NAALADL2: variants seen among roughly 807,000 people sequenced by gnomAD.
The protein encoded by NAALADL2 is N-acetylated alpha-linked acidic dipeptidase like 2.
In NAALADL2, 76 loss-of-function variants were observed where a neutral mutation model predicts 87.2. The observed-to-expected ratio is 0.87, with a 90% CI of 0.72 to 1.05. The LOEUF (loss-of-function observed/expected upper bound fraction) is 1.05, where lower values mean the gene tolerates loss of function less well. Ranked by LOEUF, NAALADL2 falls within the 50% of genes least tolerant of loss-of-function variation. The pLI, the probability that NAALADL2 is intolerant of heterozygous loss-of-function variation, is 0.00. For synonymous variants in NAALADL2, 354 were observed against 331.0 expected, an observed-to-expected ratio of 1.07 and a Z score of -0.75; for missense variants, 1,089 against 945.8, an observed-to-expected ratio of 1.15 and a Z score of -1.99.
chr3:175,627,210 A>T, intron 10 of NAALADL2, 81 bp from the exon 11 acceptor site: 1 of 1,151,306 alleles, frequency 8.7e-7, no homozygotes, highest in Non-Finnish European at 1.2e-6. Context: ...GTCCTTTTTA[A>T]TCTTTAAGGA....
chr3:174,897,135 G>A (rs971686688), intron 1 of NAALADL2, among the ~76,000 whole-genome samples: 2 of 152,110 alleles, frequency 1.3e-5, no homozygotes, highest in Non-Finnish European at 2.9e-5. Flanking sequence ...TACCCCAGAA[G>A]CACAGACAAC....
chr3:174,913,218 A>T (rs1196132525), intron 1 of NAALADL2, among the ~76,000 whole-genome samples: 1 of 152,178 alleles, frequency 6.6e-6, no homozygotes, highest in African/African-American at 2.4e-5. Flanking sequence ...TAGTAAGACA[A>T]GTTTGAAGGG....
chr3:175,787,242 A>G (rs1006877729), intron 13 of NAALADL2, among the ~76,000 whole-genome samples: 12 of 152,096 alleles, frequency 7.9e-5, no homozygotes, highest in Non-Finnish European at 1.3e-4. Context: ...GGCTCCACCC[A>G]GTTCGAGCTT....
At chr3:175,336,078 C>T (rs1761941346) in intron 5 of NAALADL2, among the ~76,000 whole-genome samples, 2 of 152,058 alleles carry the variant, frequency 1.3e-5, no homozygotes, top group African/African-American at 2.4e-5. Context: ...TGAATACCCT[C>T]GCTGCTTCCT....
intron 1 of NAALADL2, among the ~76,000 whole-genome samples, chr3:174,980,825 GA>G (rs1745013655): frequency 3.7e-5 from 2 of 54,546 alleles, no homozygotes; most frequent in Admixed American, 3.6e-4. Context: ...GATTTAGTAT[GA>G]TATATGTCTT....
chr3:175,265,748 A>G (rs1230565518), intron 4 of NAALADL2, among the ~76,000 whole-genome samples: 3 of 151,678 alleles, frequency 2.0e-5, no homozygotes, highest in African/African-American at 7.2e-5. Context: ...GAAATCAATC[A>G]ATGTCTTATT....
At chr3:175,217,294 G>T (rs1004395106) in intron 2 of NAALADL2, among the ~76,000 whole-genome samples, 1 of 152,110 alleles carries the variant, frequency 6.6e-6, no homozygotes, top group Non-Finnish European at 1.5e-5. Context: ...AGGAAAGCTC[G>T]CCCAGCAACA....
intron 2 of NAALADL2, among the ~76,000 whole-genome samples, chr3:174,642,273 T>G (rs970048824): frequency 7.2e-5 from 11 of 151,802 alleles, no homozygotes; most frequent in African/African-American, 2.7e-4. Context: ...GGCTGAAGTG[T>G]GTGGATCACT....
chr3:175,357,629 T>C (rs1764537065), intron 5 of NAALADL2, among the ~76,000 whole-genome samples: 1 of 152,110 alleles, frequency 6.6e-6, no homozygotes, highest in South Asian at 2.1e-4. Context: ...ATACAATATA[T>C]GCAACAAACA....
chr3:175,698,388 T>C (rs1738366176), intron 11 of NAALADL2, among the ~76,000 whole-genome samples: 1 of 117,476 alleles, frequency 8.5e-6, no homozygotes, highest in African/African-American at 3.8e-5. Flanking sequence ...TTTATGTATG[T>C]ATACATATGT....
chr3:174,888,030 G>A (rs1730397071), intron 1 of NAALADL2, among the ~76,000 whole-genome samples: 1 of 152,108 alleles, frequency 6.6e-6, no homozygotes, highest in Admixed American at 6.5e-5. Context: ...CTTTGGATAC[G>A]ATTGCCAGGG....
At chr3:174,679,800 C>T (rs550865447) in intron 2 of NAALADL2, among the ~76,000 whole-genome samples, 10 of 152,244 alleles carry the variant, frequency 6.6e-5, no homozygotes, top group Admixed American at 3.3e-4. Flanking sequence ...TATTAATTTA[C>T]AATAAAATAT....
At chr3:175,144,911 T>C (rs1054287203) in intron 2 of NAALADL2, among the ~76,000 whole-genome samples, 2 of 152,086 alleles carry the variant, frequency 1.3e-5, no homozygotes, top group African/African-American at 4.8e-5. Flanking sequence ...GAATCCTGTA[T>C]GTTTTCAATA....
chr3:175,346,035 T>C (rs1763120970), intron 5 of NAALADL2, among the ~76,000 whole-genome samples: 1 of 152,194 alleles, frequency 6.6e-6, no homozygotes, highest in South Asian at 2.1e-4. Flanking sequence ...CATGAGAAAG[T>C]GTATATCAGC....
At chr3:175,477,901 C>G (rs1725931345) in intron 9 of NAALADL2, among the ~76,000 whole-genome samples, 1 of 151,856 alleles carries the variant, frequency 6.6e-6, no homozygotes, top group Non-Finnish European at 1.5e-5. Context: ...TTTTTTTCCA[C>G]AAGAATTGTT....
intron 1 of NAALADL2, among the ~76,000 whole-genome samples, chr3:174,932,710 T>C (rs1264722353): frequency 6.6e-6 from 1 of 152,218 alleles, no homozygotes; most frequent in Non-Finnish European, 1.5e-5. Context: ...GAACTTTGTA[T>C]AAACTTTAAC....
intron 1 of NAALADL2, among the ~76,000 whole-genome samples, chr3:174,871,399 T>C (rs909441259): frequency 2.6e-5 from 4 of 152,346 alleles, no homozygotes; most frequent in African/African-American, 9.6e-5. Context: ...CTTCGGGAAA[T>C]AGCTATTGAT....
intron 2 of NAALADL2, among the ~76,000 whole-genome samples, chr3:174,582,534 A>C (rs143261890): frequency 1.8e-3 from 281 of 152,284 alleles, no homozygotes; most frequent in Admixed American, 3.3e-3. Context: ...TTCTTTACAA[A>C]TTCTATCTTT....
intron 9 of NAALADL2, 30 bp downstream of exon 9, chr3:175,471,788 T>C: frequency 6.4e-7 from 1 of 1,562,570 alleles, no homozygotes; most frequent in Non-Finnish European, 8.6e-7. Flanking sequence ...TATCAAATGA[T>C]TATGCAAAAC....
Sources: gnomAD v4.1 joint callset for allele counts (sites outside exome capture counted in the v4.1 genomes callset) on GRCh38, gnomAD v4.1.1 for gene constraint, MANE v1.5 for transcripts, NCBI Gene and HGNC (gene_info 2026-07-23, HGNC 2026-07-21) for gene names.